CACNB2: variants seen among roughly 807,000 people sequenced by gnomAD.
CACNB2 encodes voltage-dependent L-type calcium channel subunit beta-2.
Under a neutral mutation model 73.3 loss-of-function variants are expected in CACNB2, and 42 were observed. The observed-to-expected ratio is 0.57, with a 90% CI of 0.45 to 0.74. The LOEUF (loss-of-function observed/expected upper bound fraction) is 0.74, where lower values mean the gene tolerates loss of function less well. CACNB2 is among the 30% of genes least tolerant of loss of function. The pLI is 0.00. For synonymous variants in CACNB2, 348 were observed against 310.3 expected (o/e 1.12, Z -1.28); for missense variants, 940 against 853.0 (o/e 1.10, Z -1.27).
At chr10:18,534,427 T>C (rs1465727795) in intron 11 of CACNB2, among the ~76,000 whole-genome samples, 200 bp downstream of exon 11, 1 of 152,222 alleles carries the variant, frequency 6.6e-6, no homozygotes, top group African/African-American at 2.4e-5. Flanking sequence ...CATGGATCCC[T>C]GGAGAGTGTT....
intron 3 of CACNB2, among the ~76,000 whole-genome samples, chr10:18,478,855 T>C (rs546888816): frequency 6.6e-6 from 1 of 152,276 alleles, no homozygotes; most frequent in Non-Finnish European, 1.5e-5. Flanking sequence ...TTGGTCTCTT[T>C]GGTGCCTCTG....
At chr10:18,436,340 A>G (rs1414384862) in intron 3 of CACNB2, among the ~76,000 whole-genome samples, 1 of 152,264 alleles carries the variant, frequency 6.6e-6, no homozygotes, top group African/African-American at 2.4e-5. Flanking sequence ...TTTGGCAAGA[A>G]AGTATAAACT....
At chr10:18,199,941 C>CTG (rs141377460) in intron 2 of CACNB2, among the ~76,000 whole-genome samples, 10,935 of 136,380 alleles carry the variant, frequency 0.08, 523 homozygotes, top group East Asian at 0.2. Flanking sequence ...GTATATGAAA[C>CTG]TGTGTGTGTG....
intron 2 of CACNB2, among the ~76,000 whole-genome samples, chr10:18,230,197 G>T (rs2036171608): frequency 6.6e-6 from 1 of 152,148 alleles, no homozygotes; most frequent in African/African-American, 2.4e-5. Flanking sequence ...CAACTCCCTT[G>T]TTCTCCAAGA....
At chr10:18,509,708 C>A (rs1209596257) in intron 6 of CACNB2, among the ~76,000 whole-genome samples, 1 of 151,898 alleles carries the variant, frequency 6.6e-6, no homozygotes, top group East Asian at 1.9e-4. Context: ...GAGGTTCACT[C>A]GAGTCCAGGA....
At position 18,539,394 on chromosome 10, in the gene CACNB2, G is replaced by C. The variant is rs764982209; in HGVS notation, c.1653G>C (p.Arg551Ser). Reference protein sequence around the residue: ...HRSGTSRGLSRQETFDSETQE... With the variant: ...HRSGTSRGLSSQETFDSETQE... Reference sequence around the variant, plus strand: ...GTGGGACAAGTCGCGGCCTCTCCAGGCAAGAGACATTTGACTCGGAAACCC... The same window carrying C: ...GTGGGACAAGTCGCGGCCTCTCCAGCCAAGAGACATTTGACTCGGAAACCC... The change falls in exon 14 of 14, where the codon AGG becomes AGC. Residue 551 changes from arginine (R) to serine (S), a missense_variant. Arg to Ser is a moderately radical substitution (Grantham distance 110). Coordinates refer to ENST00000324631, the MANE Select transcript of CACNB2 (RefSeq NM_201596.3). 1.2e-6 allele frequency: 2 copies of C among 1,614,034 alleles called. No individual in the cohort carries two copies. The highest frequency in any genetic ancestry group is 1.7e-6 in the Non-Finnish European group (2 of 1,180,014).
chr10:18,444,208 G>A (rs1328725716), intron 3 of CACNB2, among the ~76,000 whole-genome samples: 1 of 152,120 alleles, frequency 6.6e-6, no homozygotes, highest in African/African-American at 2.4e-5. Flanking sequence ...GAGCCCTCAT[G>A]AATGGGATTA....
intron 1 of CACNB2, among the ~76,000 whole-genome samples, chr10:18,148,231 G>T (rs903360087): frequency 6.6e-6 from 1 of 151,978 alleles, no homozygotes; most frequent in East Asian, 1.9e-4. Context: ...CACTCTTAAG[G>T]CATGAGCAAA....
At chr10:18,515,836 CT>C (rs2051221649) in intron 7 of CACNB2, among the ~76,000 whole-genome samples, 1 of 151,678 alleles carries the variant, frequency 6.6e-6, no homozygotes, top group Non-Finnish European at 1.5e-5. Flanking sequence ...AGCTAAAACC[CT>C]GTTTGTCAAG....
chr10:18,166,041 T>C (rs2032828632), intron 2 of CACNB2, among the ~76,000 whole-genome samples: 1 of 152,188 alleles, frequency 6.6e-6, no homozygotes, highest in African/African-American at 2.4e-5. Context: ...CTTATATTCG[T>C]AATATATATG....
intron 2 of CACNB2, among the ~76,000 whole-genome samples, chr10:18,322,130 T>A (rs111452321): frequency 0.018 from 2,679 of 152,192 alleles, 84 homozygotes; most frequent in African/African-American, 0.059. Context: ...CACTCCAGCC[T>A]GGGCAAGAGA....
intron 2 of CACNB2, chr10:18,206,891 T>G (rs1236519323): frequency 6.6e-6 from 1 of 152,236 alleles, no homozygotes; most frequent in Non-Finnish European, 1.5e-5. Context: ...TTCCCAATTA[T>G]CCATGGTTTT....
chr10:18,276,383 C>T (rs2038288140), intron 2 of CACNB2, among the ~76,000 whole-genome samples: 1 of 152,116 alleles, frequency 6.6e-6, no homozygotes, highest in Non-Finnish European at 1.5e-5. Flanking sequence ...TGGACGGCAC[C>T]CTCACCCCAC....
At chr10:18,372,728 A>AT (rs1258194881) in intron 2 of CACNB2, among the ~76,000 whole-genome samples, 1 of 152,130 alleles carries the variant, frequency 6.6e-6, no homozygotes, top group Non-Finnish European at 1.5e-5. Context: ...TTTTTAAGCC[A>AT]TATTTCCTTC....
chr10:18,256,367 G>C (rs2037287077), intron 2 of CACNB2, among the ~76,000 whole-genome samples: 1 of 152,108 alleles, frequency 6.6e-6, no homozygotes, highest in Non-Finnish European at 1.5e-5. Flanking sequence ...GTTATTTTTA[G>C]ACTCAACAGT....
intron 3 of CACNB2, among the ~76,000 whole-genome samples, chr10:18,458,884 G>A (rs2047419790): frequency 6.6e-6 from 1 of 150,598 alleles, no homozygotes. Context: ...TCCTGCCTCA[G>A]CCTCCCAGGT....
At chr10:18,476,386 A>T (rs1030435241) in intron 3 of CACNB2, among the ~76,000 whole-genome samples, 1 of 152,228 alleles carries the variant, frequency 6.6e-6, no homozygotes, top group African/African-American at 2.4e-5. Context: ...TATACTCTAC[A>T]TAGAGTGAGA....
At chr10:18,445,530 T>C (rs936941305) in intron 3 of CACNB2, among the ~76,000 whole-genome samples, 1 of 152,216 alleles carries the variant, frequency 6.6e-6, no homozygotes, top group Non-Finnish European at 1.5e-5. Flanking sequence ...GTAATGTGAT[T>C]GTTATTCATT....
chr10:18,500,684 C>T (rs1256695929), intron 4 of CACNB2, 128 bp from the exon 5 acceptor site: 9 of 963,006 alleles, frequency 9.3e-6, no homozygotes, highest in African/African-American at 1.6e-5. Context: ...CGAAGGGTTT[C>T]TTGAATGATA....
Sources: gnomAD v4.1 joint callset for allele counts (sites outside exome capture counted in the v4.1 genomes callset) on GRCh38, gnomAD v4.1.1 for gene constraint, MANE v1.5 for transcripts, NCBI Gene and HGNC (gene_info 2026-07-23, HGNC 2026-07-21) for gene names.